The following GRM7 variants were observed in gnomAD, a reference collection of about 807,000 sequenced individuals.
GRM7 encodes glutamate metabotropic receptor 7, also known as metabotropic glutamate receptor 7.
GRM7 carries 35 observed loss-of-function variants against 84.5 expected under a neutral mutation model. The ratio of observed to expected loss-of-function variants is 0.41; its 90% CI spans 0.32 to 0.55. GRM7 has a LOEUF of 0.55. Ranked by LOEUF, GRM7 falls within the 20% of genes least tolerant of loss-of-function variation. The pLI is 0.19. For missense variants in GRM7, 1,003 were observed against 1,194.6 expected, an observed-to-expected ratio of 0.84 and a Z score of 2.36; for synonymous variants, 487 against 455.1, an observed-to-expected ratio of 1.07 and a Z score of -0.89.
At chr3:7,019,089 C>T (rs1386360001) in intron 1 of GRM7, among the ~76,000 whole-genome samples, 2 of 152,164 alleles carry the variant, frequency 1.3e-5, no homozygotes, top group South Asian at 4.1e-4. Flanking sequence ...CAGAGGAAGA[C>T]TCCATCTCAG....
chr3:6,861,695 G>T lies in GRM7; in HGVS notation c.307G>T (p.Ala103Ser). Residue 103 changes from alanine (A) to serine (S), a missense_variant, in exon 1 of 10, where the codon GCG becomes TCG. Transcript: ENST00000357716. This position sits in a 1 kb window ranked among gnomAD's most constrained non-coding sequence, Gnocchi z 6.4. ...PNLLPNVTLG[A>S]RILDTCSRDT... ...CCTACTGCCCAACGTGACGCTGGGCGCGCGGATCCTGGACACTTGTTCCAG... is the reference window on the plus strand; with the variant it reads ...CCTACTGCCCAACGTGACGCTGGGCTCGCGGATCCTGGACACTTGTTCCAG... 1.2e-6 allele frequency: 2 copies of T among 1,614,112 alleles called. No homozygotes were observed. Among genetic ancestry groups the T allele is most frequent in the Non-Finnish European group, 1.7e-6 (2 of 1,179,990 alleles).
intron 9 of GRM7, among the ~76,000 whole-genome samples, chr3:7,692,997 G>A (rs946901575): frequency 2.0e-5 from 3 of 147,136 alleles, no homozygotes; most frequent in African/African-American, 5.0e-5. Context: ...TTTTCTTTTC[G>A]ATATTGCAAA....
chr3:7,532,487 T>C (rs1174981533), intron 7 of GRM7, among the ~76,000 whole-genome samples: 3 of 152,084 alleles, frequency 2.0e-5, no homozygotes, highest in Non-Finnish European at 4.4e-5. Context: ...TATTTTTTAT[T>C]GTGTCTATTT....
chr3:7,580,277 G>C (rs1254530051), intron 8 of GRM7, among the ~76,000 whole-genome samples: 1 of 152,148 alleles, frequency 6.6e-6, no homozygotes, highest in East Asian at 1.9e-4. Context: ...GCTCTGGCAG[G>C]TCAGTACAAC....
At chr3:6,865,967 A>T (rs1311206049) in intron 1 of GRM7, among the ~76,000 whole-genome samples, 1 of 152,194 alleles carries the variant, frequency 6.6e-6, no homozygotes, top group Admixed American at 6.5e-5. Context: ...TACCTAACAG[A>T]TGGTGAGTGG....
At chr3:7,555,752 C>T (rs1183098939) in intron 7 of GRM7, among the ~76,000 whole-genome samples, 1 of 152,064 alleles carries the variant, frequency 6.6e-6, no homozygotes, top group Non-Finnish European at 1.5e-5. Flanking sequence ...GTAGAACACT[C>T]AGCAGCACCT....
chr3:7,052,882 T>G (rs1041940465), intron 1 of GRM7, among the ~76,000 whole-genome samples: 7 of 151,526 alleles, frequency 4.6e-5, no homozygotes, highest in Non-Finnish European at 1.5e-5. Flanking sequence ...AGTAGACATA[T>G]GCCTTAAATT....
intron 2 of GRM7, among the ~76,000 whole-genome samples, chr3:7,161,759 C>T (rs1199646354): frequency 1.3e-5 from 2 of 152,124 alleles, no homozygotes. Flanking sequence ...TATTCTAGAT[C>T]CTAGGGGTGA....
chr3:7,476,208 T>C (rs1264489983), intron 7 of GRM7, among the ~76,000 whole-genome samples: 1 of 152,116 alleles, frequency 6.6e-6, no homozygotes, highest in Non-Finnish European at 1.5e-5. Context: ...ATGGGAGTAA[T>C]ATTGGGACCT....
At chr3:7,040,427 C>T (rs6792000) in intron 1 of GRM7, among the ~76,000 whole-genome samples, 11,205 of 151,946 alleles carry the variant, frequency 0.074, 1,394 homozygotes, top group African/African-American at 0.26. Flanking sequence ...CTTAGCCTTC[C>T]GAGTAGCTGG....
intron 1 of GRM7, among the ~76,000 whole-genome samples, chr3:7,038,316 C>T (rs999804785): frequency 2.6e-5 from 4 of 152,138 alleles, no homozygotes; most frequent in Non-Finnish European, 5.9e-5. Flanking sequence ...CCTTATTGAC[C>T]GGGCTTCTTA....
intron 9 of GRM7, among the ~76,000 whole-genome samples, chr3:7,734,255 G>A (rs565791555): frequency 8.3e-6 from 1 of 120,948 alleles, no homozygotes; most frequent in African/African-American, 2.8e-5. Flanking sequence ...GGCGGGGGGG[G>A]GGTTTCCTCT....
chr3:7,022,108 C>T (rs76644295), intron 1 of GRM7, among the ~76,000 whole-genome samples: 5,548 of 152,056 alleles, frequency 0.036, 356 homozygotes, highest in African/African-American at 0.13. Flanking sequence ...GGGAGAATTG[C>T]TTGAGCCTAG....
At chr3:6,999,010 C>G (rs967641625) in intron 1 of GRM7, among the ~76,000 whole-genome samples, 1 of 152,226 alleles carries the variant, frequency 6.6e-6, no homozygotes, top group Non-Finnish European at 1.5e-5. Context: ...ATTTCTGGAG[C>G]AGGCTTGAAA....
rs145586108 is a variant in GRM7, at chr3:7,280,068, T to C, written c.737-18616T>C. Among the ~76,000 whole-genome samples, 19 of 152,328 alleles carry C rather than the reference T, an allele frequency of 1.2e-4. No individual in the cohort carries two copies. In the East Asian group the frequency reaches 3.3e-3, roughly 26 times the overall value. On this transcript the variant is annotated intron_variant, in intron 2 of 9. Coordinates refer to ENST00000357716, the MANE Select transcript of GRM7 (RefSeq NM_000844.4). ...ACATTACTATCAGAAACAGGCATAT[T>C]TGCTTTGTTAAAATTAAAGTGAAAT...
At chr3:7,145,993 T>C (rs1228850518) in intron 1 of GRM7, among the ~76,000 whole-genome samples, 1 of 152,200 alleles carries the variant, frequency 6.6e-6, no homozygotes, top group East Asian at 1.9e-4. Flanking sequence ...TTGGAGACTA[T>C]CCACAATCAA....
At chr3:6,969,370 C>T (rs759692135) in intron 1 of GRM7, among the ~76,000 whole-genome samples, 24 of 152,080 alleles carry the variant, frequency 1.6e-4, no homozygotes, top group Admixed American at 2.6e-4. Flanking sequence ...TTATCATTAT[C>T]CCCATTACAT....
rs180866988 is a variant in GRM7 at position 7,177,450 on chromosome 3, C to A, written c.736+30782C>A. On this transcript the variant is annotated intron_variant, in intron 2 of 9. Coordinates refer to ENST00000357716, the MANE Select transcript of GRM7 (RefSeq NM_000844.4). ...GACGAAAGAGCAGTATTTGATTCAT[C>A]CAGGTAACCAGTTGATATCTTGTAG... 4.5e-3 allele frequency among the ~76,000 whole-genome samples: 675 copies of A among 151,396 alleles called. 4 individuals carry two copies. The highest frequency in any genetic ancestry group is 0.015 in the African/African-American group (631 of 41,190).
intron 5 of GRM7, among the ~76,000 whole-genome samples, chr3:7,429,334 G>T (rs1316696962): frequency 2.0e-5 from 3 of 152,120 alleles, no homozygotes; most frequent in Non-Finnish European, 4.4e-5. Context: ...TATCATTACT[G>T]ATTCAGAGTA....
Sources: gnomAD v4.1 joint callset for allele counts (sites outside exome capture counted in the v4.1 genomes callset) on GRCh38, gnomAD v4.1.1 for gene constraint, Gnocchi (gnomAD v3.1) non-coding constraint, MANE v1.5 for transcripts, NCBI Gene and HGNC (gene_info 2026-07-23, HGNC 2026-07-21) for gene names.